Variants in MYO5B observed in about 807,000 individuals in gnomAD.
The protein encoded by MYO5B is unconventional myosin-Vb.
A neutral mutation model predicts 229.3 loss-of-function variants in MYO5B; 143 were observed. The observed-to-expected ratio is 0.62, with a 90% CI of 0.54 to 0.72. The LOEUF (loss-of-function observed/expected upper bound fraction) is 0.72, where lower values mean the gene tolerates loss of function less well. MYO5B is among the 30% of genes least tolerant of loss of function. The pLI is 0.00. For synonymous variants in MYO5B, 918 were observed against 885.2 expected (o/e 1.04, Z -0.66); for missense variants, 2,321 against 2,331.0 (o/e 1.00, Z 0.09).
chr18:49,936,172 C>A (rs2025247373), intron 16 of MYO5B, 80 bp downstream of exon 16: 4 of 1,256,908 alleles, frequency 3.2e-6, no homozygotes, highest in South Asian at 1.3e-5. Context: ...CCACAGACCC[C>A]CAGGCAAGGC....
intron 4 of MYO5B, among the ~76,000 whole-genome samples, chr18:50,012,117 G>A (rs553766912): frequency 1.8e-4 from 28 of 152,314 alleles, no homozygotes; most frequent in Non-Finnish European, 3.5e-4. Context: ...ACACCAATTA[G>A]ATCAAAATCT....
chr18:50,113,686 A>G (rs1200667787), intron 1 of MYO5B, among the ~76,000 whole-genome samples: 1 of 152,218 alleles, frequency 6.6e-6, no homozygotes, highest in Non-Finnish European at 1.5e-5. Flanking sequence ...GGTTGAAGTT[A>G]GTGTGAGGGT....
chr18:50,127,840 G>C (rs2032191095), intron 1 of MYO5B, among the ~76,000 whole-genome samples: 1 of 152,172 alleles, frequency 6.6e-6, no homozygotes, highest in Non-Finnish European at 1.5e-5. Context: ...ACTGCGGGTG[G>C]GCCTCATGCA....
chr18:49,864,503 C>G, intron 27 of MYO5B, 123 bp from the exon 28 acceptor site: 2 of 1,380,428 alleles, frequency 1.4e-6, no homozygotes, highest in South Asian at 1.3e-5. Flanking sequence ...CGTTGACACA[C>G]ATGGAAAGTT....
chr18:49,937,112 A>G (rs1257179778), intron 15 of MYO5B, 133 bp downstream of exon 15: 1 of 1,074,346 alleles, frequency 9.3e-7, no homozygotes, highest in African/African-American at 1.6e-5. Flanking sequence ...CACAAGATAG[A>G]GCTGGATGGC....
chr18:49,965,899 T>C (rs1361718238), intron 10 of MYO5B, among the ~76,000 whole-genome samples: 1 of 152,230 alleles, frequency 6.6e-6, no homozygotes, highest in Non-Finnish European at 1.5e-5. Flanking sequence ...GTAATAGCGA[T>C]GGACACAGGC....
At chr18:49,973,107 C>A (rs1473484630) in intron 10 of MYO5B, among the ~76,000 whole-genome samples, 1 of 152,156 alleles carries the variant, frequency 6.6e-6, no homozygotes, top group Non-Finnish European at 1.5e-5. Context: ...CACGAAGCAT[C>A]CAAACCCTCA....
intron 17 of MYO5B, among the ~76,000 whole-genome samples, chr18:49,924,254 A>G (rs1481209427): frequency 1.3e-5 from 2 of 152,226 alleles, no homozygotes; most frequent in African/African-American, 4.8e-5. Flanking sequence ...CTTCTTGCTC[A>G]TATCCCAATA....
intron 4 of MYO5B, among the ~76,000 whole-genome samples, chr18:50,024,762 A>G (rs1480796999): frequency 6.6e-6 from 1 of 152,200 alleles, no homozygotes; most frequent in Non-Finnish European, 1.5e-5. Context: ...ACCTTTCTGC[A>G]GTATTCCTCA....
rs1218701435 is a variant in MYO5B, at chr18:49,825,284, A to G, written c.*1187T>C. The stretch of plus-strand genomic sequence containing the variant: ...AGAGCAGCAAACATCTAAGCCTGTT[A>G]TATTACTGAATTACTTTTTTAAAAT... On this transcript the variant is annotated 3_prime_UTR_variant, in exon 40 of 40. Transcript: ENST00000285039. The G allele has an allele frequency of 6.6e-6, 1 of 152,242 alleles. No homozygotes were observed. The highest frequency in any genetic ancestry group is 2.4e-5 in the African/African-American group (1 of 41,460). 9.4% of individuals were successfully genotyped at this position (152,242 alleles called of 1,614,324 possible).
intron 9 of MYO5B, among the ~76,000 whole-genome samples, chr18:49,977,319 A>G (rs1321742278): frequency 1.3e-5 from 2 of 152,164 alleles, no homozygotes; most frequent in Non-Finnish European, 2.9e-5. Flanking sequence ...TCAAGAAACA[A>G]ATTGAATGCT....
chr18:49,923,272 T>C (rs2025094640), intron 17 of MYO5B, among the ~76,000 whole-genome samples: 1 of 152,216 alleles, frequency 6.6e-6, no homozygotes, highest in African/African-American at 2.4e-5. Context: ...TGTTGTTCTG[T>C]TTCAATCTCA....
At chr18:50,170,076 A>G (rs1265630673) in intron 1 of MYO5B, among the ~76,000 whole-genome samples, 1 of 128,294 alleles carries the variant, frequency 7.8e-6, no homozygotes, top group Non-Finnish European at 1.7e-5. Context: ...CTATGATTCC[A>G]TTACTATTTC....
intron 4 of MYO5B, among the ~76,000 whole-genome samples, chr18:50,024,172 G>A (rs1454290174): frequency 6.6e-6 from 1 of 152,162 alleles, no homozygotes; most frequent in African/African-American, 2.4e-5. Flanking sequence ...ACCCAGTGCG[G>A]AAGCAGAAAA....
intron 5 of MYO5B, among the ~76,000 whole-genome samples, chr18:49,996,789 T>C (rs1244854320): frequency 2.6e-5 from 4 of 152,026 alleles, no homozygotes; most frequent in African/African-American, 7.3e-5. Context: ...ATTCTGACAG[T>C]GGGAAAGAAG....
intron 1 of MYO5B, among the ~76,000 whole-genome samples, chr18:50,166,359 G>C (rs957368372): frequency 6.6e-6 from 1 of 152,188 alleles, no homozygotes; most frequent in Non-Finnish European, 1.5e-5. Flanking sequence ...TTTGGGTATG[G>C]CCATGCTTAG....
chr18:50,096,742 C>T (rs535865070), intron 1 of MYO5B, among the ~76,000 whole-genome samples: 29 of 152,308 alleles, frequency 1.9e-4, no homozygotes, highest in African/African-American at 7.0e-4. Flanking sequence ...TCATCATCAC[C>T]GTCATCATCA....
In MYO5B at chr18:49,973,346, C is replaced by T. The variant is rs1398169281; in HGVS notation, c.1322+1004G>A. The stretch of plus-strand genomic sequence containing the variant: ...CGCATGCCACGTGGGGAAGTGGCCA[C>T]TTCTACAGGGGACTGGCCTTTATTC... On this transcript the variant is annotated intron_variant, in intron 10 of 39. Coordinates refer to ENST00000285039, the MANE Select transcript of MYO5B (RefSeq NM_001080467.3). Among the ~76,000 whole-genome samples, 5 of 152,198 alleles carry T rather than the reference C, an allele frequency of 3.3e-5. No individual in the cohort carries two copies. In the East Asian group the frequency reaches 9.6e-4, roughly 29 times the overall value.
intron 17 of MYO5B, among the ~76,000 whole-genome samples, chr18:49,928,341 T>C (rs2025152606): frequency 6.6e-6 from 1 of 152,332 alleles, no homozygotes; most frequent in Non-Finnish European, 1.5e-5. Context: ...CTTAAAGAAC[T>C]AAGAGTAGAT....
Sources: allele counts gnomAD v4.1 joint callset (sites outside exome capture counted in the v4.1 genomes callset), GRCh38; gene constraint gnomAD v4.1.1; transcripts MANE v1.5; gene names NCBI Gene and HGNC (gene_info 2026-07-23, HGNC 2026-07-21).